KCTD13: variants seen among roughly 807,000 people sequenced by gnomAD.
KCTD13 encodes the protein potassium channel tetramerization domain containing 13.
A neutral mutation model predicts 32.3 loss-of-function variants in KCTD13; 15 were observed. The ratio of observed to expected loss-of-function variants is 0.46; its 90% CI spans 0.31 to 0.71. The LOEUF (loss-of-function observed/expected upper bound fraction) is 0.71, where lower values mean the gene tolerates loss of function less well. KCTD13 is among the 30% of genes least tolerant of loss of function. The pLI is 0.05. For synonymous variants in KCTD13, 189 were observed against 200.1 expected (o/e 0.94, Z 0.47); for missense variants, 337 against 452.6 (o/e 0.74, Z 2.32).
At chr16:29,925,505 T>G in intron 1 of KCTD13, 23 of 466,454 alleles carry the variant, frequency 4.9e-5, no homozygotes, top group East Asian at 8.9e-5. Context: ...GAGGTGGTCA[T>G]GAGGATTATG....
rs2150831295 is a variant in KCTD13 at position 29,906,788 on chromosome 16, G to A, written c.*84C>T. 8.0e-7 allele frequency: 1 copy of A among 1,244,276 alleles called. No homozygotes were observed. The highest frequency in any genetic ancestry group is 1.3e-5 in the South Asian group (1 of 76,304). 77.1% of individuals were successfully genotyped at this position (1,244,276 alleles called of 1,614,324 possible). On this transcript the variant is annotated 3_prime_UTR_variant, in exon 6 of 6. Transcript: ENST00000568000. ...GAGGACCCACGACTTGGCCAGCAGA[G>A]CCGGGGCAAAAGTCTGGGAAGGGGA... is the stretch of plus-strand genomic sequence containing the variant.
At position 29,907,125 on chromosome 16, in the gene KCTD13, G is replaced by A. The variant is rs765778845; in HGVS notation, c.754-17C>T. 25 of 1,569,522 alleles carry A rather than the reference G, an allele frequency of 1.6e-5. No homozygotes were observed. The highest frequency in any genetic ancestry group is 9.5e-5 in the African/African-American group (7 of 73,790). On this transcript the variant is annotated splice_polypyrimidine_tract_variant and intron_variant, in intron 5 of 5. Transcript: ENST00000568000. The stretch of plus-strand genomic sequence containing the variant: ...AAATTCCACCTGCAAAAGGCCAGCC[G>A]GCCCCAGCTCCTTCCTTCTGGTGCA...
intron 5 of KCTD13, among the ~76,000 whole-genome samples, chr16:29,909,997 G>A (rs182603643): frequency 1.8e-4 from 27 of 151,924 alleles, no homozygotes; most frequent in African/African-American, 5.8e-4. Context: ...TACTTGGGAG[G>A]CTGAGGCAGG....
chr16:29,906,794 G>T lies in KCTD13; in HGVS notation c.*78C>A. ...CCACGACTTGGCCAGCAGAGCCGGG[G>T]CAAAAGTCTGGGAAGGGGAGGGAAA... On this transcript the variant is annotated 3_prime_UTR_variant, in exon 6 of 6. Coordinates refer to ENST00000568000, the MANE Select transcript of KCTD13 (RefSeq NM_178863.5). 1 of 1,317,032 alleles carries T rather than the reference G, an allele frequency of 7.6e-7. No homozygotes were observed. The highest frequency in any genetic ancestry group is 1.1e-6 in the Non-Finnish European group (1 of 934,240). The allele number at this position is 1,317,032 out of a possible 1,614,324, so 81.6% of individuals were successfully genotyped here. A position where few individuals can be genotyped will look rare whatever the true frequency, so the allele number is the denominator to read the frequency against.
chr16:29,909,169 G>A (rs909287540), intron 5 of KCTD13, among the ~76,000 whole-genome samples: 16 of 152,074 alleles, frequency 1.1e-4, no homozygotes, highest in Admixed American at 5.2e-4. Context: ...CTAACACCTC[G>A]CTGCTGATGC....
At chr16:29,910,887 G>T in intron 5 of KCTD13, 91 bp downstream of exon 5, 2 of 1,199,574 alleles carry the variant, frequency 1.7e-6, no homozygotes, top group Non-Finnish European at 2.4e-6. Flanking sequence ...CCTCCTGGTG[G>T]TGGGCTCCTT....
At chr16:29,922,137 T>G (rs1482641561) in intron 2 of KCTD13, 1 of 152,182 alleles carries the variant, frequency 6.6e-6, no homozygotes, top group African/African-American at 2.4e-5. Flanking sequence ...AAAGTATCTT[T>G]TTATAGAACT....
chr16:29,917,595 C>T lies in KCTD13; in HGVS notation c.415-5546G>A, dbSNP rs532316456. Among the ~76,000 whole-genome samples, 4 of 152,126 alleles carry T rather than the reference C, an allele frequency of 2.6e-5. No individual in the cohort carries two copies. The South Asian group carries it at 6.2e-4, about 24-fold the overall frequency. On this transcript the variant is annotated intron_variant, in intron 2 of 5. Transcript: ENST00000568000. ...AGGAGTTCGAGACCAGTCTGGCCAA[C>T]GTCGTGAAACCCCATCTCTGCTAAA...
At chr16:29,909,122 A>G (rs2068661848) in intron 5 of KCTD13, among the ~76,000 whole-genome samples, 1 of 152,038 alleles carries the variant, frequency 6.6e-6, no homozygotes, top group Admixed American at 6.6e-5. Flanking sequence ...CTAATGGGAG[A>G]TAGGAAAGAA....
At chr16:29,915,368 G>A (rs1334330302) in intron 2 of KCTD13, 1 of 152,244 alleles carries the variant, frequency 6.6e-6, no homozygotes. Flanking sequence ...ATCTCTGCAA[G>A]TGGCCAGGCA....
At chr16:29,916,835 A>C (rs1245389531) in intron 2 of KCTD13, among the ~76,000 whole-genome samples, 1 of 152,250 alleles carries the variant, frequency 6.6e-6, no homozygotes, top group Non-Finnish European at 1.5e-5. Context: ...CTAGGGCTGC[A>C]GTCATCAGAA....
chr16:29,923,530 A>G (rs1485550858), intron 1 of KCTD13, among the ~76,000 whole-genome samples, 171 bp from the exon 2 acceptor site: 1 of 152,176 alleles, frequency 6.6e-6, no homozygotes, highest in African/African-American at 2.4e-5. Flanking sequence ...TACTTGGATT[A>G]TAGGTGTGAG....
At chr16:29,921,273 G>C (rs765771116) in intron 2 of KCTD13, 2 of 152,288 alleles carry the variant, frequency 1.3e-5, no homozygotes, top group South Asian at 4.1e-4. Context: ...AAGGAAAGTA[G>C]GCAGGGGACT....
At chr16:29,925,016 C>T (rs2150847479) in intron 1 of KCTD13, among the ~76,000 whole-genome samples, 1 of 152,234 alleles carries the variant, frequency 6.6e-6, no homozygotes, top group South Asian at 2.1e-4. Flanking sequence ...CGCACCTGGC[C>T]GAATTCTTCA....
At chr16:29,913,455 G>A (rs1481375128) in intron 2 of KCTD13, 2 of 152,214 alleles carry the variant, frequency 1.3e-5, no homozygotes, top group African/African-American at 4.8e-5. Context: ...GAATTACGGA[G>A]TATGAATTCG....
chr16:29,925,821 G>A lies in KCTD13; in HGVS notation c.213C>T (p.Ser71=). Residue 71 remains serine, a synonymous_variant, in exon 1 of 6, where the codon AGC becomes AGT. Coordinates refer to ENST00000568000, the MANE Select transcript of KCTD13 (RefSeq NM_178863.5). ...GQDTMLKAMF[S]GRVEVLTDAG... ...CATCGGTCAGCACCTCCACGCGGCCGCTGAACATGGCTTTGAGCATGGTGT... is the reference window on the plus strand; with the variant it reads ...CATCGGTCAGCACCTCCACGCGGCCACTGAACATGGCTTTGAGCATGGTGT... The A allele has an allele frequency of 2.5e-6, 4 of 1,613,970 alleles. No homozygotes were observed. Among genetic ancestry groups the A allele is most frequent in the Non-Finnish European group, 3.4e-6 (4 of 1,179,968 alleles).
intron 2 of KCTD13, chr16:29,922,699 A>G (rs2068933838): frequency 7.4e-6 from 2 of 271,278 alleles, no homozygotes; most frequent in Non-Finnish European, 1.4e-5. Flanking sequence ...TTTCATTTGA[A>G]TAAAGAATTT....
chr16:29,907,681 G>A (rs898996414), intron 5 of KCTD13, among the ~76,000 whole-genome samples: 16 of 152,156 alleles, frequency 1.1e-4, no homozygotes, highest in East Asian at 3.9e-4. Flanking sequence ...CCAGCTACTC[G>A]GGAGACTGAG....
intron 1 of KCTD13, 52 bp downstream of exon 1, chr16:29,925,738 G>C: frequency 6.6e-7 from 1 of 1,526,012 alleles, no homozygotes; most frequent in South Asian, 1.2e-5. Context: ...AGACTGCGGG[G>C]AACGGGAGTT....
Sources: gnomAD v4.1 joint callset for allele counts (sites outside exome capture counted in the v4.1 genomes callset) on GRCh38, gnomAD v4.1.1 for gene constraint, MANE v1.5 for transcripts, NCBI Gene and HGNC (gene_info 2026-07-23, HGNC 2026-07-21) for gene names.